AKNA: variants seen among roughly 807,000 people sequenced by gnomAD.
The protein encoded by AKNA is AT-hook transcription factor.
A neutral mutation model predicts 138.8 loss-of-function variants in AKNA; 67 were observed. The ratio of observed to expected loss-of-function variants is 0.48; its 90% confidence interval spans 0.40 to 0.59. The LOEUF (loss-of-function observed/expected upper bound fraction) is 0.59, where lower values mean the gene tolerates loss of function less well. AKNA is among the 20% of genes least tolerant of loss of function. AKNA has a pLI of 0.00. For missense variants in AKNA, 1,813 were observed against 1,880.4 expected (o/e 0.96, Z 0.66); for synonymous variants, 737 against 754.4 (o/e 0.98, Z 0.38).
chr9:114,337,012 T>TTGGGGGGGGGGG lies in AKNA; in HGVS notation c.*41_*42insCCCCCCCCCCCA. On this transcript the variant is annotated 3_prime_UTR_variant, in exon 22 of 22. Coordinates refer to ENST00000374088, the MANE Select transcript of AKNA (RefSeq NM_001317950.2). Reference sequence around the variant, plus strand: ...CCCACTCCTGGCCTGGCAGGCCACCTGCCCACCCACCCACCCATCTGCCTC... The same window carrying TTGGGGGGGGGGG: ...CCCACTCCTGGCCTGGCAGGCCACCTTGGGGGGGGGGGGCCCACCCACCCACCCATCTGCCTC... The TTGGGGGGGGGGG allele has an allele frequency of 4.7e-4, 566 of 1,207,956 alleles. No individual in the cohort carries two copies. The highest frequency in any genetic ancestry group is 5.3e-4 in the Non-Finnish European group (495 of 929,120). The allele number at this position is 1,207,956 out of a possible 1,614,324, so 74.8% of individuals were successfully genotyped here.
chr9:114,342,371 C>T (rs1294887228), intron 19 of AKNA, among the ~76,000 whole-genome samples: 1 of 152,206 alleles, frequency 6.6e-6, no homozygotes, highest in Non-Finnish European at 1.5e-5. Flanking sequence ...ACTGGGCTAG[C>T]CACTGTCCTC....
At chr9:114,386,097 T>C (rs1241657601) in intron 1 of AKNA, among the ~76,000 whole-genome samples, 1 of 152,192 alleles carries the variant, frequency 6.6e-6, no homozygotes, top group Non-Finnish European at 1.5e-5. Context: ...TCAGAACTGT[T>C]AACCTCTCTC....
chr9:114,346,962 T>A (rs1023939836), intron 16 of AKNA, among the ~76,000 whole-genome samples, 178 bp from the exon 17 acceptor site: 1 of 152,202 alleles, frequency 6.6e-6, no homozygotes, highest in Non-Finnish European at 1.5e-5. Context: ...GCCTCTCTGA[T>A]CCTCAGTTTC....
intron 11 of AKNA, 131 bp from the exon 12 acceptor site, chr9:114,358,298 T>A (rs1346646760): frequency 1.6e-6 from 2 of 1,252,142 alleles, no homozygotes; most frequent in African/African-American, 3.0e-5. Flanking sequence ...CCCAGCCTGG[T>A]TCTGCCACCT....
intron 9 of AKNA, among the ~76,000 whole-genome samples, chr9:114,361,189 C>G (rs1025837120): frequency 1.3e-5 from 2 of 152,198 alleles, no homozygotes; most frequent in African/African-American, 4.8e-5. Flanking sequence ...GCCTGCCTCT[C>G]CAGCCACATC....
intron 6 of AKNA, among the ~76,000 whole-genome samples, chr9:114,366,723 GGA>G (rs1832388498): frequency 1.3e-5 from 2 of 151,460 alleles, no homozygotes; most frequent in South Asian, 4.2e-4. Flanking sequence ...GAAGAGAAGA[GGA>G]GAGGGGAAGG....
chr9:114,369,674 C>T (rs1832621276), intron 4 of AKNA, among the ~76,000 whole-genome samples: 1 of 130,038 alleles, frequency 7.7e-6, no homozygotes, highest in African/African-American at 4.8e-5. Context: ...ATTAGCATCA[C>T]CATCAGCATC....
chr9:114,337,559 C>T (rs1212045763), intron 21 of AKNA, among the ~76,000 whole-genome samples: 1 of 152,136 alleles, frequency 6.6e-6, no homozygotes, highest in East Asian at 1.9e-4. Context: ...GTTCAATCTA[C>T]CTGTTCATCT....
chr9:114,393,767 TA>T (rs56069318), intron 1 of AKNA, among the ~76,000 whole-genome samples: 66,354 of 144,976 alleles, frequency 0.46, 15,850 homozygotes, highest in South Asian at 0.58. Flanking sequence ...TGAGTCCACT[TA>T]AAAAAAAAAA....
upstream of AKNA, among the ~76,000 whole-genome samples, chr9:114,395,942 C>T (rs568446473): frequency 2.0e-4 from 30 of 152,124 alleles, no homozygotes; most frequent in Non-Finnish European, 3.5e-4. Context: ...AGTAAGGATG[C>T]GCTAACACCA....
At chr9:114,385,326 G>C (rs1465906721) in intron 1 of AKNA, among the ~76,000 whole-genome samples, 1 of 152,168 alleles carries the variant, frequency 6.6e-6, no homozygotes, top group African/African-American at 2.4e-5. Context: ...GTGGCCCTGG[G>C]ATAGGGCCCA....
chr9:114,387,134 C>CT (rs1834092168), intron 1 of AKNA, among the ~76,000 whole-genome samples: 1 of 152,092 alleles, frequency 6.6e-6, no homozygotes, highest in African/African-American at 2.4e-5. Context: ...GGAAGACCAC[C>CT]CCCCAAATCA....
chr9:114,331,866 C>T (rs1363997771), downstream of AKNA: 1 of 1,613,836 alleles, frequency 6.2e-7, no homozygotes, highest in Admixed American at 1.7e-5. Context: ...TGGGAGAGTT[C>T]TACGAAGCTC....
chr9:114,375,969 C>G (rs1336239084), intron 3 of AKNA: 1 of 454,060 alleles, frequency 2.2e-6, no homozygotes, highest in Non-Finnish European at 4.4e-6. Flanking sequence ...CCAGCCTCTA[C>G]CCCAGGGCTT....
Position 114,377,414 on chromosome 9 carries a change from A to G in AKNA, c.393T>C (p.Ser131=). Residue 131 remains serine, a synonymous_variant, in exon 3 of 22, where the codon AGT becomes AGC. Transcript: ENST00000374088. ...TEEEPDGTLG[S]LEVEEAGESS... ...TCTCTCCAGCCTCCTCAACCTCCAG[A>G]CTTCCGAGGGTCCCATCTGGCTCCT... 1 of 1,613,500 alleles carries G rather than the reference A, an allele frequency of 6.2e-7. No homozygotes were observed. Among genetic ancestry groups the G allele is most frequent in the Non-Finnish European group, 8.5e-7 (1 of 1,179,892 alleles).
chr9:114,357,109 A>C, intron 12 of AKNA, 140 bp from the exon 13 acceptor site: 1 of 643,796 alleles, frequency 1.6e-6, no homozygotes, highest in Non-Finnish European at 2.5e-6. Context: ...AGCCAGGCCC[A>C]GGAGTGAGGG....
intron 1 of AKNA, among the ~76,000 whole-genome samples, chr9:114,383,873 G>A (rs1833854804): frequency 6.6e-6 from 1 of 152,166 alleles, no homozygotes; most frequent in Non-Finnish European, 1.5e-5. Context: ...CTCCTGCTCT[G>A]TGGATGGGTG....
chr9:114,383,167 G>C (rs1204896645), intron 1 of AKNA: 1 of 455,898 alleles, frequency 2.2e-6, no homozygotes, highest in Non-Finnish European at 4.4e-6. Flanking sequence ...GGGCTGCTCT[G>C]GGAGAATGAA....
Position 114,367,604 on chromosome 9 carries a change from T to C in AKNA, c.1667A>G (p.Asp556Gly), listed in dbSNP as rs771780473. The change falls in exon 6 of 22, where the codon GAC (aspartate) becomes GGC (glycine). Residue 556 changes from aspartate (D) to glycine (G), a missense_variant. Physicochemically the swap from Asp to Gly is moderately conservative, Grantham distance 94. Coordinates refer to ENST00000374088, the MANE Select transcript of AKNA (RefSeq NM_001317950.2). ...WLPENRDISE[D>G]QSSAEQTQAL... ...CTGGGTCTGCTCTGCTGAGGACTGG[T>C]CCTCAGAGATGTCCCGGTTCTCCGG... 6.2e-7 allele frequency: 1 copy of C among 1,610,838 alleles called. No homozygotes were observed. Among genetic ancestry groups the C allele is most frequent in the East Asian group, 2.2e-5 (1 of 44,744 alleles).
Sources: allele counts gnomAD v4.1 joint callset (sites outside exome capture counted in the v4.1 genomes callset), GRCh38; gene constraint gnomAD v4.1.1; transcripts MANE v1.5; gene names NCBI Gene and HGNC (gene_info 2026-07-23, HGNC 2026-07-21).